Variants in COL4A6 observed in about 807,000 individuals in gnomAD.
COL4A6 encodes collagen alpha-6(IV) chain.
Under a neutral mutation model 126.7 loss-of-function variants are expected in COL4A6, and 59 were observed. The observed-to-expected ratio is 0.47, with a 90% CI of 0.38 to 0.58. The LOEUF (loss-of-function observed/expected upper bound fraction) is 0.58, where lower values mean the gene tolerates loss of function less well. Ranked by LOEUF, COL4A6 falls within the 20% of genes least tolerant of loss-of-function variation. COL4A6 has a pLI of 0.00. For missense variants in COL4A6, 1,285 were observed against 1,337.3 expected (o/e 0.96, Z 0.61); for synonymous variants, 547 against 496.6 (o/e 1.10, Z -1.35).
intron 2 of COL4A6, among the ~76,000 whole-genome samples, chrX:108,351,451 T>A (rs913213026): frequency 9.2e-6 from 1 of 108,966 alleles, no homozygotes; most frequent in African/African-American, 3.4e-5. Flanking sequence ...TCTGTGTGTG[T>A]GTGTGTGTGT....
At chrX:108,280,289 C>A (rs1224250483) in intron 3 of COL4A6, among the ~76,000 whole-genome samples, 3 of 110,692 alleles carry the variant, frequency 2.7e-5, no homozygotes, top group Non-Finnish European at 5.7e-5. Context: ...CAAATAGACG[C>A]AATAAAAAAT....
chrX:108,310,897 C>T, intron 2 of COL4A6, 69 bp from the exon 3 acceptor site: 1 of 800,014 alleles, frequency 1.2e-6, no homozygotes. Flanking sequence ...GCAGACCTAA[C>T]TCTTAGCTTC....
chrX:108,338,025 A>AT (rs199983573), intron 2 of COL4A6, among the ~76,000 whole-genome samples: 1,400 of 108,361 alleles, frequency 0.013, 25 homozygotes, highest in African/African-American at 0.041. Flanking sequence ...GACCAACCAG[A>AT]TTTTTTTTTT....
chrX:108,260,530 AG>A (rs915005339), intron 3 of COL4A6, among the ~76,000 whole-genome samples: 1 of 110,690 alleles, frequency 9.0e-6, no homozygotes, highest in Admixed American at 9.6e-5. Flanking sequence ...GTTTTAAAAC[AG>A]GAGTTTCCCT....
At chrX:108,282,526 C>T (rs1414868418) in intron 3 of COL4A6, among the ~76,000 whole-genome samples, 2 of 111,159 alleles carry the variant, frequency 1.8e-5, no homozygotes, top group African/African-American at 3.3e-5. Context: ...TGGAGAAATA[C>T]GAACAGTTTT....
At chrX:108,274,699 T>C (rs1332399037) in intron 3 of COL4A6, among the ~76,000 whole-genome samples, 1 of 111,982 alleles carries the variant, frequency 8.9e-6, no homozygotes, top group Non-Finnish European at 1.9e-5. Context: ...TTTGAAAAAT[T>C]AAGTTCCATG....
At chrX:108,283,169 A>G (rs183059928) in intron 3 of COL4A6, among the ~76,000 whole-genome samples, 4 of 111,228 alleles carry the variant, frequency 3.6e-5, no homozygotes, top group African/African-American at 1.3e-4. Context: ...AAAATAAAAA[A>G]ATAAAAAAAA....
At chrX:108,230,013 A>G (rs1035926124) in intron 3 of COL4A6, among the ~76,000 whole-genome samples, 15 of 112,569 alleles carry the variant, frequency 1.3e-4, no homozygotes, top group African/African-American at 3.2e-4. Context: ...GATGACTCCA[A>G]TGTTTCTTGA....
In COL4A6 at chrX:108,192,727, AT is replaced by A. The variant is rs2035090162; in HGVS notation, c.1073-148del. 7 of 446,225 alleles carry A rather than the reference AT, an allele frequency of 1.6e-5. No individual in the cohort carries two copies. The South Asian group carries it at 2.3e-4, about 15-fold the overall frequency. The allele number at this position is 446,225 out of a possible 1,213,427, so 36.8% of individuals were successfully genotyped here. ...AAGTCTCTAATGCTAATGGCCTCACATGATAATGGGTCTTCTGGAGCCAAGG... is the reference window on the plus strand; with the variant it reads ...AAGTCTCTAATGCTAATGGCCTCACAGATAATGGGTCTTCTGGAGCCAAGG... On this transcript the variant is annotated intron_variant, in intron 17 of 44. Transcript: ENST00000334504.
At chrX:108,343,165 A>ATATATATATAGTGTGT (rs1377817612) in intron 2 of COL4A6, among the ~76,000 whole-genome samples, 1 of 31,416 alleles carries the variant, frequency 3.2e-5, no homozygotes, top group East Asian at 1.3e-3. Flanking sequence ...ATATATATAT[A>ATATATATATAGTGTGT]GTGTGTGTGT....
intron 2 of COL4A6, among the ~76,000 whole-genome samples, chrX:108,429,819 A>G (rs1247003706): frequency 2.7e-5 from 3 of 112,111 alleles, no homozygotes; most frequent in Non-Finnish European, 5.6e-5. Context: ...TAAACATTAT[A>G]CTATTGAACA....
chrX:108,401,291 A>G (rs2041082783), intron 2 of COL4A6, among the ~76,000 whole-genome samples: 1 of 111,163 alleles, frequency 9.0e-6, no homozygotes, highest in Non-Finnish European at 1.9e-5. Context: ...TCAGCTATAA[A>G]AGTGTTAATC....
intron 2 of COL4A6, among the ~76,000 whole-genome samples, chrX:108,401,012 T>C (rs1287267712): frequency 8.9e-6 from 1 of 111,853 alleles, no homozygotes; most frequent in Non-Finnish European, 1.9e-5. Flanking sequence ...TTCAAGGTTT[T>C]GTCTCTCACA....
chrX:108,389,485 C>T (rs1030694213), intron 2 of COL4A6, among the ~76,000 whole-genome samples: 12 of 111,349 alleles, frequency 1.1e-4, no homozygotes, highest in Admixed American at 2.8e-4. Flanking sequence ...TTCTTTCTCT[C>T]TTTTGATCTT....
chrX:108,192,528 T>C lies in COL4A6; in HGVS notation c.1125A>G (p.Glu375=), dbSNP rs142057815. 8.7e-4 allele frequency: 1,050 copies of C among 1,207,360 alleles called. 5 individuals are homozygous for C. The African/African-American group carries it at 0.017, about 19-fold the overall frequency. ...VPGLPGLKGD[E]GIQGLRGPSG... ...AAGGGCCACGTAGGCCTTGGATGCC[T>C]TCATCTCCTTTAAGGCCTGGGAGGC... The change falls in exon 18 of 45, where the codon GAA becomes GAG. Residue 375 remains glutamate (E), a synonymous_variant. Coordinates refer to ENST00000334504, the MANE Select transcript of COL4A6 (RefSeq NM_033641.4).
intron 3 of COL4A6, among the ~76,000 whole-genome samples, chrX:108,228,806 C>T (rs746961522): frequency 1.8e-5 from 2 of 112,322 alleles, no homozygotes; most frequent in Admixed American, 9.4e-5. Context: ...GTGGGGATTA[C>T]GGGAACTACA....
intron 19 of COL4A6, among the ~76,000 whole-genome samples, chrX:108,191,132 T>C (rs1416858928): frequency 9.0e-6 from 1 of 110,794 alleles, no homozygotes; most frequent in Non-Finnish European, 1.9e-5. Context: ...AAAGATGGAG[T>C]GGGAATGGGT....
At chrX:108,435,576 T>G (rs1338800270) in intron 2 of COL4A6, among the ~76,000 whole-genome samples, 2 of 112,097 alleles carry the variant, frequency 1.8e-5, no homozygotes, top group Admixed American at 9.5e-5. Flanking sequence ...AGATCCTAGA[T>G]TCTATTTTAT....
At chrX:108,309,849 C>G (rs866771647) in intron 3 of COL4A6, among the ~76,000 whole-genome samples, 62 of 100,961 alleles carry the variant, frequency 6.1e-4, no homozygotes, top group Non-Finnish European at 1.0e-3. Flanking sequence ...CACACACACA[C>G]AGATGGATCA....
Sources: gnomAD v4.1 joint callset for allele counts (sites outside exome capture counted in the v4.1 genomes callset) on GRCh38, gnomAD v4.1.1 for gene constraint, MANE v1.5 for transcripts, NCBI Gene and HGNC (gene_info 2026-07-23, HGNC 2026-07-21) for gene names.